The following FOXP1 variants were observed in gnomAD, a reference collection of about 807,000 sequenced individuals.
FOXP1 encodes forkhead box protein P1.
A neutral mutation model predicts 98.2 loss-of-function variants in FOXP1; 15 were observed. That is an observed-to-expected ratio of 0.15 (90% confidence interval 0.10 to 0.24). The LOEUF (loss-of-function observed/expected upper bound fraction) is 0.24. Among genes scored for constraint, FOXP1 ranks in the 10% least tolerant of loss-of-function variants. The pLI is 1.00. For synonymous variants in FOXP1, 371 were observed against 314.5 expected, an observed-to-expected ratio of 1.18 and a Z score of -1.90; for missense variants, 633 against 848.5, an observed-to-expected ratio of 0.75 and a Z score of 3.15.
intron 6 of FOXP1, among the ~76,000 whole-genome samples, chr3:71,119,977 T>C (rs1302236982): frequency 6.6e-6 from 1 of 152,242 alleles, no homozygotes; most frequent in Non-Finnish European, 1.5e-5. Context: ...GGAAGGATTC[T>C]GGTGATTGTG....
intron 6 of FOXP1, among the ~76,000 whole-genome samples, chr3:71,183,679 T>C (rs749911779): frequency 1.6e-4 from 24 of 152,200 alleles, no homozygotes; most frequent in Admixed American, 5.2e-4. Flanking sequence ...AACTAGCAAG[T>C]GGCAGAGCCA....
At chr3:71,345,871 T>TTAAAAAAAAAAAAAAAAAAAAA (rs2077313594) in intron 4 of FOXP1, among the ~76,000 whole-genome samples, 1 of 55,096 alleles carries the variant, frequency 1.8e-5, no homozygotes, top group Non-Finnish European at 3.4e-5. Context: ...AAAGTTTTTG[T>TTAAAAAAAAAAAAAAAAAAAAA]AAAAAAAAAA....
chr3:71,275,496 C>T (rs538648308), intron 5 of FOXP1, among the ~76,000 whole-genome samples: 3 of 152,318 alleles, frequency 2.0e-5, no homozygotes, highest in Admixed American at 6.5e-5. Flanking sequence ...CCATTCCCAC[C>T]TCATGCACCC....
chr3:71,190,543 C>T (rs771451252), intron 6 of FOXP1, among the ~76,000 whole-genome samples: 3 of 145,258 alleles, frequency 2.1e-5, no homozygotes, highest in South Asian at 2.2e-4. Flanking sequence ...CGCTTGAGCC[C>T]GGGGAGGTAA....
At position 70,955,245 on chromosome 3, in the gene FOXP1, G is replaced by A. The variant is rs997661209; in HGVS notation, c.*4002C>T. 1.7e-5 allele frequency: 4 copies of A among 232,884 alleles called. No individual in the cohort carries two copies. The Admixed American group carries it at 2.2e-4, about 13-fold the overall frequency. 14.4% of individuals were successfully genotyped at this position (232,884 alleles called of 1,614,324 possible). On this transcript the variant is annotated 3_prime_UTR_variant, in exon 21 of 21. Coordinates refer to ENST00000649528, the MANE Select transcript of FOXP1 (RefSeq NM_001349338.3). ...TTTTTTCATGAGGAAAAAAAAGCTA[G>A]TGATTTACAGCCTATCTTGGGTTAA...
intron 2 of FOXP1, chr3:71,543,304 T>C (rs1435814294): frequency 6.6e-6 from 1 of 152,140 alleles, no homozygotes; most frequent in Non-Finnish European, 1.5e-5. Context: ...AATAATTTGG[T>C]TATTTCTTTT....
chr3:71,446,724 C>T (rs2086480638), intron 3 of FOXP1, among the ~76,000 whole-genome samples: 1 of 152,172 alleles, frequency 6.6e-6, no homozygotes, highest in Non-Finnish European at 1.5e-5. Context: ...CTCTATGGAT[C>T]CCATTGTTTA....
intron 3 of FOXP1, among the ~76,000 whole-genome samples, chr3:71,447,292 T>C (rs2086537866): frequency 6.6e-6 from 1 of 152,220 alleles, no homozygotes; most frequent in Non-Finnish European, 1.5e-5. Context: ...CAGGCCCCTC[T>C]GCCTTACACA....
chr3:71,079,468 A>G (rs2054178095), intron 7 of FOXP1, among the ~76,000 whole-genome samples: 1 of 152,050 alleles, frequency 6.6e-6, no homozygotes, highest in African/African-American at 2.4e-5. Context: ...TCTTCATCTC[A>G]GCATATTAAC....
At chr3:71,462,515 C>T (rs2088240624) in intron 3 of FOXP1, among the ~76,000 whole-genome samples, 1 of 152,184 alleles carries the variant, frequency 6.6e-6, no homozygotes, top group South Asian at 2.1e-4. Flanking sequence ...AGTTCTCCTT[C>T]TTGGTAAGCT....
intron 2 of FOXP1, among the ~76,000 whole-genome samples, chr3:71,580,183 A>G (rs2048047372): frequency 8.7e-6 from 1 of 114,734 alleles, no homozygotes; most frequent in Non-Finnish European, 1.9e-5. Context: ...AAAAAAAAAA[A>G]AAAAGTGATT....
intron 5 of FOXP1, among the ~76,000 whole-genome samples, chr3:71,264,320 GAAAGCTAAACA>G (rs1215025526): frequency 6.6e-6 from 1 of 152,078 alleles, no homozygotes; most frequent in African/African-American, 2.4e-5. Flanking sequence ...ACCCAGACTG[GAAAGCTAAACA>G]AAAGCGATGT....
rs747466703 is a variant in FOXP1 at position 71,183,414 on chromosome 3, G to A, written c.180+14788C>T. Among the ~76,000 whole-genome samples the A allele has an allele frequency of 3.3e-5, 5 of 152,014 alleles. No individual in the cohort carries two copies. In the East Asian group the frequency reaches 5.8e-4, roughly 18 times the overall value. On this transcript the variant is annotated intron_variant, in intron 6 of 20. Transcript: ENST00000649528. ...CTCAGGAGGCTGAGGGAGGAGAATC[G>A]CTTGAACCCAGGAGGCGGAGGTTGC...
At chr3:71,011,023 C>T (rs1314172591) in intron 12 of FOXP1, among the ~76,000 whole-genome samples, 1 of 151,998 alleles carries the variant, frequency 6.6e-6, no homozygotes, top group African/African-American at 2.4e-5. Flanking sequence ...ACTTATTTTC[C>T]ACTGCACTAG....
chr3:71,091,535 A>C (rs972655456), intron 7 of FOXP1, among the ~76,000 whole-genome samples: 2 of 152,058 alleles, frequency 1.3e-5, no homozygotes, highest in African/African-American at 2.4e-5. Flanking sequence ...AACAAAAAAA[A>C]AACTGAGCTT....
chr3:70,961,530 C>T (rs1041371307), intron 20 of FOXP1, among the ~76,000 whole-genome samples: 6 of 152,042 alleles, frequency 3.9e-5, no homozygotes, highest in South Asian at 2.1e-4. Context: ...CATGGCTCGC[C>T]GGATATTTTT....
intron 13 of FOXP1, among the ~76,000 whole-genome samples, chr3:70,994,379 G>A (rs576323029): frequency 2.0e-5 from 3 of 152,174 alleles, no homozygotes; most frequent in Non-Finnish European, 2.9e-5. Context: ...ACCCTATTTC[G>A]TGTTAAACAG....
chr3:70,957,850 T>TTAAC lies in FOXP1; in HGVS notation c.*1393_*1396dup, dbSNP rs2032190766. The TTAAC allele has an allele frequency of 4.3e-6, 1 of 234,056 alleles. No individual in the cohort carries two copies. Among genetic ancestry groups the TTAAC allele is most frequent in the Non-Finnish European group, 8.4e-6 (1 of 118,354 alleles). 14.5% of individuals were successfully genotyped at this position (234,056 alleles called of 1,614,324 possible). A position where few individuals can be genotyped will look rare whatever the true frequency, so the allele number is the denominator to read the frequency against. ...TAGCATTTGCTGAACTCAGCCCTCG[T>TTAAC]TAACTCCCTTAACAAGTTCAATCTG... is the stretch of plus-strand genomic sequence containing the variant. On this transcript the variant is annotated 3_prime_UTR_variant, in exon 21 of 21. Coordinates refer to ENST00000649528, the MANE Select transcript of FOXP1 (RefSeq NM_001349338.3).
intron 4 of FOXP1, among the ~76,000 whole-genome samples, chr3:71,350,691 C>T (rs1251364095): frequency 6.6e-6 from 1 of 152,172 alleles, no homozygotes; most frequent in Non-Finnish European, 1.5e-5. Context: ...TGGGAAAACT[C>T]CCATAGATGA....
Sources: allele counts gnomAD v4.1 joint callset (sites outside exome capture counted in the v4.1 genomes callset), GRCh38; gene constraint gnomAD v4.1.1; transcripts MANE v1.5; gene names NCBI Gene and HGNC (gene_info 2026-07-23, HGNC 2026-07-21).